The following PHACTR1 variants were observed in gnomAD, a reference collection of about 807,000 sequenced individuals.
The protein encoded by PHACTR1 is RPEL repeat containing 1.
PHACTR1 carries 16 observed loss-of-function variants against 69.2 expected under a neutral mutation model. The observed-to-expected ratio is 0.23, with a 90% CI of 0.16 to 0.35. The LOEUF is 0.35. Ranked by LOEUF, PHACTR1 falls within the 10% of genes least tolerant of loss-of-function variation. The probability of loss-of-function intolerance (pLI) is 1.00; values close to 1 mark genes in which losing one functional copy is unlikely to be tolerated. For missense variants in PHACTR1, 510 were observed against 734.7 expected, an observed-to-expected ratio of 0.69 and a Z score of 3.54; for synonymous variants, 312 against 284.5, an observed-to-expected ratio of 1.10 and a Z score of -0.97.
chr6:12,854,167 G>A (rs917659733), intron 4 of PHACTR1, among the ~76,000 whole-genome samples: 2 of 152,150 alleles, frequency 1.3e-5, no homozygotes, highest in Non-Finnish European at 2.9e-5. Context: ...ATTCTGAGAT[G>A]ATGGAAATCC....
At chr6:12,753,872 A>G (rs1004151650) in intron 4 of PHACTR1, among the ~76,000 whole-genome samples, 1 of 151,718 alleles carries the variant, frequency 6.6e-6, no homozygotes, top group Non-Finnish European at 1.5e-5. Context: ...GAGGCCCATG[A>G]TATAGAGAAG....
intron 3 of PHACTR1, among the ~76,000 whole-genome samples, chr6:12,744,731 T>C (rs1765551504): frequency 6.6e-6 from 1 of 152,106 alleles, no homozygotes; most frequent in Non-Finnish European, 1.5e-5. Context: ...AGCAAAAAAA[T>C]GATGTTTTAT....
intron 5 of PHACTR1, among the ~76,000 whole-genome samples, chr6:13,085,938 A>T (rs1376433168): frequency 6.6e-6 from 1 of 151,930 alleles, no homozygotes; most frequent in African/African-American, 2.4e-5. Flanking sequence ...AAGAAGAAAG[A>T]TTGAAAAGAG....
At chr6:13,233,323 T>C (rs1425937404) in intron 10 of PHACTR1, among the ~76,000 whole-genome samples, 1 of 8,446 alleles carries the variant, frequency 1.2e-4, no homozygotes, top group Non-Finnish European at 2.9e-4. Flanking sequence ...CTTTCCCAAC[T>C]CTTCCCCTTA....
chr6:13,091,989 G>C (rs1024365794), intron 5 of PHACTR1, among the ~76,000 whole-genome samples: 1 of 152,034 alleles, frequency 6.6e-6, no homozygotes, highest in Admixed American at 6.6e-5. Flanking sequence ...TAGTAGAGAC[G>C]GGGTTTCACT....
chr6:13,148,738 T>A (rs191257774), intron 5 of PHACTR1, among the ~76,000 whole-genome samples: 2 of 152,348 alleles, frequency 1.3e-5, no homozygotes, highest in East Asian at 3.9e-4. Context: ...TCTGAATTAT[T>A]TTCAGAAGAC....
intron 4 of PHACTR1, among the ~76,000 whole-genome samples, chr6:12,849,223 G>C (rs1006907960): frequency 6.6e-6 from 1 of 152,194 alleles, no homozygotes; most frequent in Non-Finnish European, 1.5e-5. Context: ...AGGCCTTGCC[G>C]CAATGCCAGT....
chr6:13,126,681 C>T (rs988081542), intron 5 of PHACTR1, among the ~76,000 whole-genome samples: 6 of 152,188 alleles, frequency 3.9e-5, no homozygotes, highest in African/African-American at 9.7e-5. Context: ...ATTTAAATAT[C>T]GCACCACCTT....
chr6:12,949,495 T>C (rs1054941180), intron 4 of PHACTR1, among the ~76,000 whole-genome samples: 18 of 151,890 alleles, frequency 1.2e-4, no homozygotes, highest in African/African-American at 4.1e-4. Context: ...ATCCACTGTG[T>C]TTGTTTGGGG....
intron 5 of PHACTR1, among the ~76,000 whole-genome samples, chr6:13,119,182 G>C (rs1241189131): frequency 1.3e-5 from 2 of 152,104 alleles, no homozygotes; most frequent in African/African-American, 4.8e-5. Flanking sequence ...TAGCAAATTA[G>C]GCCTTGTGCA....
At chr6:12,980,544 A>G (rs1403116676) in intron 4 of PHACTR1, among the ~76,000 whole-genome samples, 1 of 152,038 alleles carries the variant, frequency 6.6e-6, no homozygotes, top group Non-Finnish European at 1.5e-5. Flanking sequence ...GAATGAATCC[A>G]TAGGAGAGTT....
At chr6:13,085,646 T>C (rs945971118) in intron 5 of PHACTR1, among the ~76,000 whole-genome samples, 1 of 152,012 alleles carries the variant, frequency 6.6e-6, no homozygotes. Context: ...AACTTATACC[T>C]CTCAAGAACT....
In PHACTR1 at chr6:12,925,190, CCAA is replaced by C. The variant is rs2127519815; in HGVS notation, c.251-128170_251-128168del. ...TGCAAACTTCAAGAACAAACATCTC[CCAA>C]CAACTCCAACAACTTTATCACCTTT... On this transcript the variant is annotated intron_variant, in intron 4 of 14. Coordinates refer to ENST00000332995, the MANE Select transcript of PHACTR1 (RefSeq NM_030948.6). 2.6e-5 allele frequency among the ~76,000 whole-genome samples: 4 copies of C among 152,302 alleles called. No individual in the cohort carries two copies. In the East Asian group the frequency reaches 7.7e-4, roughly 29 times the overall value.
chr6:12,859,380 T>C (rs1780716971), intron 4 of PHACTR1, among the ~76,000 whole-genome samples: 1 of 152,220 alleles, frequency 6.6e-6, no homozygotes. Flanking sequence ...ATTATAAATA[T>C]AGTATATGTA....
intron 4 of PHACTR1, among the ~76,000 whole-genome samples, chr6:12,758,466 TAAAAAAAAA>T (rs11361990): frequency 5.2e-5 from 5 of 95,796 alleles, no homozygotes; most frequent in Non-Finnish European, 1.0e-4. Flanking sequence ...ACTCTCTTTC[TAAAAAAAAA>T]AAAAAAAAAA....
intron 5 of PHACTR1, among the ~76,000 whole-genome samples, chr6:13,121,775 C>G (rs180946617): frequency 6.6e-6 from 1 of 152,070 alleles, no homozygotes; most frequent in African/African-American, 2.4e-5. Context: ...GACAGGGCCT[C>G]GCCCAGGGCT....
chr6:12,820,100 G>A (rs1038881003), intron 4 of PHACTR1, among the ~76,000 whole-genome samples: 3 of 152,194 alleles, frequency 2.0e-5, no homozygotes, highest in African/African-American at 4.8e-5. Flanking sequence ...TTGCATACAA[G>A]TGTAAGTCAT....
chr6:12,870,289 C>T (rs1294394371), intron 4 of PHACTR1, among the ~76,000 whole-genome samples: 1 of 152,194 alleles, frequency 6.6e-6, no homozygotes, highest in Non-Finnish European at 1.5e-5. Flanking sequence ...ACTCTCATTT[C>T]AGGCAAAGAA....
chr6:13,149,110 C>T (rs577220807), intron 5 of PHACTR1, among the ~76,000 whole-genome samples: 1 of 151,848 alleles, frequency 6.6e-6, no homozygotes, highest in African/African-American at 2.4e-5. Context: ...AGCACGGCCC[C>T]TGCTGAGCGA....
Sources: allele counts gnomAD v4.1 joint callset (sites outside exome capture counted in the v4.1 genomes callset), GRCh38; gene constraint gnomAD v4.1.1; transcripts MANE v1.5; gene names NCBI Gene and HGNC (gene_info 2026-07-23, HGNC 2026-07-21).